Variants in KLHL32 observed in about 807,000 individuals in gnomAD.
KLHL32 encodes kelch like family member 32.
Under a neutral mutation model 64.8 loss-of-function variants are expected in KLHL32, and 35 were observed. That is an observed-to-expected ratio of 0.54 (90% confidence interval 0.41 to 0.72). The LOEUF is 0.72. Ranked by LOEUF, KLHL32 falls within the 30% of genes least tolerant of loss-of-function variation. The pLI, the probability that KLHL32 is intolerant of heterozygous loss-of-function variation, is 0.00. For missense variants in KLHL32, 589 were observed against 768.5 expected (o/e 0.77, Z 2.76); for synonymous variants, 259 against 281.0 (o/e 0.92, Z 0.78).
chr6:96,966,302 G>C (rs181833107), intron 1 of KLHL32, among the ~76,000 whole-genome samples: 116 of 152,276 alleles, frequency 7.6e-4, no homozygotes, highest in Middle Eastern at 3.4e-3. Flanking sequence ...TATTTTTCTA[G>C]TCAGAGTTAC....
At chr6:97,020,157 G>C (rs1034449851) in intron 3 of KLHL32, among the ~76,000 whole-genome samples, 3 of 151,144 alleles carry the variant, frequency 2.0e-5, no homozygotes, top group Non-Finnish European at 4.4e-5. Context: ...TGGCCAGGCT[G>C]GTCTCAAACT....
intron 6 of KLHL32, among the ~76,000 whole-genome samples, chr6:97,098,151 A>G (rs1198844417): frequency 6.6e-6 from 1 of 152,222 alleles, no homozygotes; most frequent in Non-Finnish European, 1.5e-5. Flanking sequence ...CGATACAGAC[A>G]TCTAATAATG....
chr6:97,082,555 C>T (rs183243605), intron 5 of KLHL32, among the ~76,000 whole-genome samples: 23 of 151,322 alleles, frequency 1.5e-4, no homozygotes, highest in Admixed American at 1.5e-3. Flanking sequence ...GGAGCTTGCA[C>T]TGAGCCAAGA....
At chr6:97,121,411 A>G (rs1562360212) in intron 7 of KLHL32, among the ~76,000 whole-genome samples, 1 of 152,206 alleles carries the variant, frequency 6.6e-6, no homozygotes, top group Non-Finnish European at 1.5e-5. Context: ...ACAATCATTG[A>G]TTGTCCTTAA....
intron 6 of KLHL32, chr6:97,105,496 C>T (rs1256745547): frequency 4.2e-6 from 2 of 471,080 alleles, no homozygotes; most frequent in Non-Finnish European, 8.8e-6. Flanking sequence ...GGTGCCCTGG[C>T]TTACCTCAAT....
At chr6:97,111,303 G>A (rs1166973910) in intron 6 of KLHL32, among the ~76,000 whole-genome samples, 1 of 152,236 alleles carries the variant, frequency 6.6e-6, no homozygotes, top group Non-Finnish European at 1.5e-5. Context: ...AGACAGATCT[G>A]CATTTTACTC....
At chr6:97,014,220 G>A (rs149991910) in intron 3 of KLHL32, among the ~76,000 whole-genome samples, 8,493 of 151,882 alleles carry the variant, frequency 0.056, 458 homozygotes, top group African/African-American at 0.14. Flanking sequence ...GCGTGAACCC[G>A]GGAGGCGGAG....
At position 97,113,819 on chromosome 6, in the gene KLHL32, C is replaced by A. The variant is rs776718449; in HGVS notation, c.664C>A (p.Gln222Lys). 1 of 1,614,048 alleles carries A rather than the reference C, an allele frequency of 6.2e-7. No individual in the cohort carries two copies. Among genetic ancestry groups the A allele is most frequent in the South Asian group, 1.1e-5 (1 of 91,066 alleles). The change falls in exon 7 of 11, where the codon CAG becomes AAG. Residue 222 changes from glutamine to lysine, a missense_variant. Gln to Lys is a moderately conservative substitution (Grantham distance 53). Around this residue, in one of 3 missense-constraint regions of KLHL32, gnomAD observed 226 missense variants for 353.2 expected, o/e 0.64. Coordinates refer to ENST00000369261, the MANE Select transcript of KLHL32 (RefSeq NM_052904.4). ...VRWLEHNCHY[Q>K]YMDELLQYIR... ...GTGGTTGGAACACAACTGCCACTACCAGTACATGGACGAGCTCCTGCAATA... is the reference window on the plus strand; with the variant it reads ...GTGGTTGGAACACAACTGCCACTACAAGTACATGGACGAGCTCCTGCAATA...
At chr6:96,941,623 A>G (rs1771297869) in intron 1 of KLHL32, among the ~76,000 whole-genome samples, 1 of 152,206 alleles carries the variant, frequency 6.6e-6, no homozygotes, top group Non-Finnish European at 1.5e-5. Context: ...AGTCAACTTC[A>G]CGTAATCCAC....
At chr6:96,930,517 G>A (rs1450383970) in intron 1 of KLHL32, among the ~76,000 whole-genome samples, 1 of 152,084 alleles carries the variant, frequency 6.6e-6, no homozygotes, top group Non-Finnish European at 1.5e-5. Flanking sequence ...CATTGTTGGT[G>A]TGTAATAAAA....
At chr6:96,997,874 C>T (rs1317529265) in intron 3 of KLHL32, among the ~76,000 whole-genome samples, 1 of 152,140 alleles carries the variant, frequency 6.6e-6, no homozygotes, top group Non-Finnish European at 1.5e-5. Flanking sequence ...TTGAAGGTAA[C>T]AGTACTGCTG....
intron 3 of KLHL32, among the ~76,000 whole-genome samples, chr6:96,996,453 T>C (rs1010886276): frequency 2.0e-5 from 3 of 152,150 alleles, no homozygotes; most frequent in Admixed American, 6.5e-5. Flanking sequence ...TTGATTAAAA[T>C]TACATAAAAG....
At position 97,027,786 on chromosome 6, in the gene KLHL32, C is replaced by T. The variant is rs542191024; in HGVS notation, c.205-13706C>T. Among the ~76,000 whole-genome samples, 4 of 152,318 alleles carry T rather than the reference C, an allele frequency of 2.6e-5. No homozygotes were observed. The South Asian group carries it at 8.3e-4, about 32-fold the overall frequency. On this transcript the variant is annotated intron_variant, in intron 3 of 10. Coordinates refer to ENST00000369261, the MANE Select transcript of KLHL32 (RefSeq NM_052904.4). ...CTGGGATTTGGACTCAGGCCTTCTG[C>T]CCAGCCTACAAAACTTCGAGCATTG...
intron 3 of KLHL32, among the ~76,000 whole-genome samples, chr6:97,002,501 G>A (rs1010685579): frequency 2.0e-5 from 3 of 152,160 alleles, no homozygotes; most frequent in Non-Finnish European, 2.9e-5. Flanking sequence ...TAGGGTCAGG[G>A]TACATGTGCA....
intron 3 of KLHL32, among the ~76,000 whole-genome samples, chr6:97,022,906 G>A (rs986717007): frequency 6.6e-6 from 1 of 152,196 alleles, no homozygotes; most frequent in African/African-American, 2.4e-5. Context: ...GAGGCCTCAG[G>A]AAACTTACAA....
chr6:97,007,047 T>C (rs1342061683), intron 3 of KLHL32, among the ~76,000 whole-genome samples: 1 of 152,132 alleles, frequency 6.6e-6, no homozygotes, highest in East Asian at 1.9e-4. Context: ...TTTAGCAAGG[T>C]TGGGGAAATT....
At chr6:97,128,823 GATATA>G (rs1799140203) in intron 8 of KLHL32, among the ~76,000 whole-genome samples, 1 of 152,244 alleles carries the variant, frequency 6.6e-6, no homozygotes. Context: ...GGAAGCTAAA[GATATA>G]ATCAGGGGAT....
chr6:97,095,375 C>T (rs1583009795), intron 6 of KLHL32, among the ~76,000 whole-genome samples: 1 of 152,142 alleles, frequency 6.6e-6, no homozygotes, highest in South Asian at 2.1e-4. Context: ...TGCCAGGTCC[C>T]CTGAAGAATC....
chr6:97,139,001 C>A, intron 10 of KLHL32, 120 bp from the exon 11 acceptor site: 1 of 877,022 alleles, frequency 1.1e-6, no homozygotes, highest in South Asian at 1.9e-5. Flanking sequence ...AAAAAGAATT[C>A]CTAAGATATG....
Sources: gnomAD v4.1 joint callset for allele counts (sites outside exome capture counted in the v4.1 genomes callset) on GRCh38, gnomAD v4.1.1 for gene constraint, gnomAD v4.1.1 regional missense constraint, MANE v1.5 for transcripts, NCBI Gene and HGNC (gene_info 2026-07-23, HGNC 2026-07-21) for gene names.